Variants in GMNC observed in about 807,000 individuals in gnomAD.
GMNC encodes the protein geminin coiled-coil domain-containing protein 1.
GMNC carries 16 observed loss-of-function variants against 33.6 expected under a neutral mutation model. That is an observed-to-expected ratio of 0.48 (90% CI 0.32 to 0.72). The LOEUF is 0.72. Among genes scored for constraint, GMNC ranks in the 30% least tolerant of loss-of-function variants. The pLI is 0.03. For missense variants in GMNC, 393 were observed against 388.9 expected (o/e 1.01, Z -0.09); for synonymous variants, 156 against 147.3 (o/e 1.06, Z -0.43).
At chr3:190,859,212 G>A (rs2108532867) in intron 2 of GMNC, among the ~76,000 whole-genome samples, 196 bp from the exon 3 acceptor site, 1 of 152,282 alleles carries the variant, frequency 6.6e-6, no homozygotes, top group African/African-American at 2.4e-5. Flanking sequence ...ATATTTATAT[G>A]CTGTATGACA....
rs1737879499 is a variant in GMNC at position 190,861,888 on chromosome 3, G to C, written c.3+725C>G. 6.6e-6 allele frequency among the ~76,000 whole-genome samples: 1 copy of C among 151,912 alleles called. No homozygotes were observed. The highest frequency in any genetic ancestry group is 6.6e-5 in the Admixed American group (1 of 15,266). ...ATTCATTTTAGCAGAGCCCAGCTTT[G>C]GAAAAACTCTTTTTGACTACTACAG... On this transcript the variant is annotated intron_variant, in intron 1 of 4. Transcript: ENST00000442080. The surrounding 1 kb of genome is among the most constrained non-coding windows in gnomAD (Gnocchi z 5.1).
In GMNC at chr3:190,854,777, T is replaced by C. The variant is rs746993618; in HGVS notation, c.*518A>G. The C allele has an allele frequency of 1.4e-4, 24 of 171,626 alleles. No individual in the cohort carries two copies. The highest frequency in any genetic ancestry group is 2.6e-4 in the Non-Finnish European group (20 of 78,078). The allele number at this position is 171,626 out of a possible 1,614,324, so 10.6% of individuals were successfully genotyped here. A position where few individuals can be genotyped will look rare whatever the true frequency, so the allele number is the denominator to read the frequency against. On this transcript the variant is annotated 3_prime_UTR_variant, in exon 5 of 5. Transcript: ENST00000442080. Reference sequence around the variant, plus strand: ...TGCTACACACATCCACATTATGTCTTCAGGAGTAGTGGTGATGGGCAAAGA... The same window carrying C: ...TGCTACACACATCCACATTATGTCTCCAGGAGTAGTGGTGATGGGCAAAGA...
Position 190,855,548 on chromosome 3 carries a change from G to A in GMNC, c.752C>T (p.Thr251Ile). 1 of 1,551,640 alleles carries A rather than the reference G, an allele frequency of 6.4e-7. No individual in the cohort carries two copies. The highest frequency in any genetic ancestry group is 8.7e-7 in the Non-Finnish European group (1 of 1,146,912). Residue 251 changes from threonine (T) to isoleucine (I), a missense_variant, in exon 5 of 5, where the codon ACC (threonine) becomes ATC (isoleucine). Thr to Ile is a moderately conservative substitution (Grantham distance 89). Coordinates refer to ENST00000442080, the MANE Select transcript of GMNC (RefSeq NM_001146686.3). ...ATGAGTGGCAGTGCTGTGCAAGGGG[G>A]TTGTTCTGTCACCTCTATAGTCAAT... ...MPIDYRGDRT[T>I]PLHSTATHGE...
chr3:190,852,705 A>G (rs867736338), downstream of GMNC, among the ~76,000 whole-genome samples: 1 of 152,126 alleles, frequency 6.6e-6, no homozygotes, highest in African/African-American at 2.4e-5. Context: ...GAGCAAATAC[A>G]CAGGATTATG....
Position 190,861,182 on chromosome 3 carries a change from A to G in GMNC, c.4-324T>C, listed in dbSNP as rs960933096. 5.3e-5 allele frequency among the ~76,000 whole-genome samples: 8 copies of G among 152,188 alleles called. No individual in the cohort carries two copies. Among genetic ancestry groups the G allele is most frequent in the African/African-American group, 1.9e-4 (8 of 41,452 alleles). On this transcript the variant is annotated intron_variant, in intron 1 of 4. Coordinates refer to ENST00000442080, the MANE Select transcript of GMNC (RefSeq NM_001146686.3). The surrounding 1 kb of genome is among the most constrained non-coding windows in gnomAD (Gnocchi z 5.1). ...GACCAGCCCATCTAATAGTCTACCC[A>G]GATCTAAATAAAGGGAATTCTACTT...
chr3:190,844,331 C>T, the GMNC span, among the ~76,000 whole-genome samples: 215 of 151,988 alleles, frequency 1.4e-3, no homozygotes, highest in African/African-American at 4.4e-3. Flanking sequence ...CCACCCCAAA[C>T]GCTTTTTGTT....
Position 190,853,959 on chromosome 3 carries a change from G to A in GMNC, c.*1336C>T, listed in dbSNP as rs1737679778. 1 of 152,130 alleles carries A rather than the reference G, an allele frequency of 6.6e-6. No individual in the cohort carries two copies. Among genetic ancestry groups the A allele is most frequent in the Non-Finnish European group, 1.5e-5 (1 of 67,994 alleles). The allele number at this position is 152,130 out of a possible 1,614,324, so 9.4% of individuals were successfully genotyped here. ...AATTATTCTTACACAGTTACGCCGA[G>A]TTAACTGCAAAATGGGCTCTAGAAA... On this transcript the variant is annotated 3_prime_UTR_variant, in exon 5 of 5. Coordinates refer to ENST00000442080, the MANE Select transcript of GMNC (RefSeq NM_001146686.3).
chr3:190,857,012 G>A (rs376376658), intron 4 of GMNC, among the ~76,000 whole-genome samples: 2 of 151,088 alleles, frequency 1.3e-5, no homozygotes, highest in African/African-American at 2.4e-5. Flanking sequence ...TATTTAGTAA[G>A]AGTAGCAAGA....
At chr3:190,856,310 T>C (rs894621032) in intron 4 of GMNC, among the ~76,000 whole-genome samples, 4 of 118,166 alleles carry the variant, frequency 3.4e-5, no homozygotes, top group African/African-American at 1.3e-4. Flanking sequence ...AATACTTATA[T>C]TTATTTATAA....
chr3:190,845,959 G>A, the GMNC span, among the ~76,000 whole-genome samples: 164 of 152,286 alleles, frequency 1.1e-3, 1 homozygote, highest in African/African-American at 3.8e-3. Context: ...TGGGCACTGT[G>A]GCTCATGCCT....
At position 190,854,374 on chromosome 3, in the gene GMNC, G is replaced by A. The variant is rs1288505136; in HGVS notation, c.*921C>T. 1 of 152,132 alleles carries A rather than the reference G, an allele frequency of 6.6e-6. No individual in the cohort carries two copies. The highest frequency in any genetic ancestry group is 1.5e-5 in the Non-Finnish European group (1 of 68,014). The allele number at this position is 152,132 out of a possible 1,614,324, so 9.4% of individuals were successfully genotyped here. ...GTGCCTGGTACAAAGTAGGCATTAG[G>A]TATTCTACAGATTTCTTGGGTGGAC... On this transcript the variant is annotated 3_prime_UTR_variant, in exon 5 of 5. Coordinates refer to ENST00000442080, the MANE Select transcript of GMNC (RefSeq NM_001146686.3).
chr3:190,858,138 CTT>C (rs923236872), intron 3 of GMNC: 3 of 432,326 alleles, frequency 6.9e-6, no homozygotes, highest in Non-Finnish European at 1.2e-5. Context: ...TTATAATAGA[CTT>C]TTAAAATTGT....
intron 3 of GMNC, 53 bp downstream of exon 3, chr3:190,858,875 G>A (rs778322381): frequency 5.5e-5 from 57 of 1,030,338 alleles, no homozygotes; most frequent in Non-Finnish European, 7.5e-5. Context: ...ATTAGCAGTG[G>A]GGAATGGACC....
chr3:190,851,436 A>G (rs7650861), downstream of GMNC, among the ~76,000 whole-genome samples: 58,021 of 152,040 alleles, frequency 0.38, 12,044 homozygotes, highest in African/African-American at 0.54. Flanking sequence ...GATTGCTGAC[A>G]TTTTTTGAGC....
At chr3:190,844,581 G>T in the GMNC span, among the ~76,000 whole-genome samples, 3 of 151,846 alleles carry the variant, frequency 2.0e-5, no homozygotes, top group Non-Finnish European at 4.4e-5. Flanking sequence ...AAGAACGATT[G>T]ATAGTATCAG....
In GMNC at chr3:190,855,523, A is replaced by T; in HGVS notation, c.777T>A (p.His259Gln). The change falls in exon 5 of 5, where the codon CAT (histidine) becomes CAA (glutamine). Residue 259 changes from histidine to glutamine, a missense_variant. His to Gln is a conservative substitution (Grantham distance 24, BLOSUM62 0). Coordinates refer to ENST00000442080, the MANE Select transcript of GMNC (RefSeq NM_001146686.3). ...RTTPLHSTAT[H>Q]GEDFHILSQL... ...GAGAAAGGATGTGGAAATCTTCTCC[A>T]TGAGTGGCAGTGCTGTGCAAGGGGG... 2 of 1,551,758 alleles carry T rather than the reference A, an allele frequency of 1.3e-6. No homozygotes were observed. Among genetic ancestry groups the T allele is most frequent in the Non-Finnish European group, 1.7e-6 (2 of 1,146,974 alleles).
Position 190,861,420 on chromosome 3 carries a change from CATCA to C in GMNC, c.4-566_4-563del, listed in dbSNP as rs1215154746. Among the ~76,000 whole-genome samples the C allele has an allele frequency of 6.6e-6, 1 of 151,668 alleles. No individual in the cohort carries two copies. Among genetic ancestry groups the C allele is most frequent in the African/African-American group, 2.4e-5 (1 of 41,360 alleles). ...CCTAACATACTGCTGGCTCATAGTCCATCAATCTATCTGTCTGTCTGTCTGTCTG... is the reference window on the plus strand; with the variant it reads ...CCTAACATACTGCTGGCTCATAGTCCATCTATCTGTCTGTCTGTCTGTCTG... On this transcript the variant is annotated intron_variant, in intron 1 of 4. Coordinates refer to ENST00000442080, the MANE Select transcript of GMNC (RefSeq NM_001146686.3). The surrounding 1 kb of genome is among the most constrained non-coding windows in gnomAD (Gnocchi z 5.1).
downstream of GMNC, among the ~76,000 whole-genome samples, chr3:190,849,164 G>A (rs1023050188): frequency 1.4e-4 from 22 of 152,136 alleles, no homozygotes; most frequent in African/African-American, 5.3e-4. Context: ...AAATTTGGAG[G>A]GAGGACAACA....
At chr3:190,860,061 T>C (rs1737827963) in intron 2 of GMNC, among the ~76,000 whole-genome samples, 1 of 152,212 alleles carries the variant, frequency 6.6e-6, no homozygotes, top group Non-Finnish European at 1.5e-5. Context: ...GATATTTAAT[T>C]CTGGGGTGTC....
Sources: gnomAD v4.1 joint callset for allele counts (sites outside exome capture counted in the v4.1 genomes callset) on GRCh38, gnomAD v4.1.1 for gene constraint, Gnocchi (gnomAD v3.1) non-coding constraint, MANE v1.5 for transcripts, NCBI Gene and HGNC (gene_info 2026-07-23, HGNC 2026-07-21) for gene names.